The following LNPK variants were observed in gnomAD, a reference collection of about 807,000 sequenced individuals.
The protein encoded by LNPK is endoplasmic reticulum junction formation protein lunapark.
A neutral mutation model predicts 55.2 loss-of-function variants in LNPK; 29 were observed. The ratio of observed to expected loss-of-function variants is 0.53; its 90% CI spans 0.39 to 0.72. LNPK has a LOEUF of 0.72. Among genes scored for constraint, LNPK ranks in the 30% least tolerant of loss-of-function variants. The probability of loss-of-function intolerance (pLI) is 0.00; values close to 1 mark genes in which losing one functional copy is unlikely to be tolerated. For synonymous variants in LNPK, 162 were observed against 168.2 expected (o/e 0.96, Z 0.29); for missense variants, 467 against 494.8 (o/e 0.94, Z 0.53).
rs551274042 is a variant in LNPK, at chr2:175,988,834, C to T, written c.257+3397G>A. 2.3e-4 allele frequency among the ~76,000 whole-genome samples: 35 copies of T among 152,256 alleles called. 1 individual carries two copies. In the South Asian group the frequency reaches 7.3e-3, roughly 32 times the overall value. Reference sequence around the variant, plus strand: ...TGTCGCCCAGGCTGGAGTGCAGTGGCGTGACCTCGGCTCACTGTAAGCTCT... The same window carrying T: ...TGTCGCCCAGGCTGGAGTGCAGTGGTGTGACCTCGGCTCACTGTAAGCTCT... On this transcript the variant is annotated intron_variant, in intron 4 of 12. Coordinates refer to ENST00000272748, the MANE Select transcript of LNPK (RefSeq NM_030650.3).
chr2:175,954,155 T>C (rs1685568422), intron 8 of LNPK, among the ~76,000 whole-genome samples: 2 of 152,206 alleles, frequency 1.3e-5, no homozygotes, highest in African/African-American at 4.8e-5. Flanking sequence ...ATTACATGTG[T>C]ATACCCCTTT....
intron 9 of LNPK, among the ~76,000 whole-genome samples, chr2:175,944,789 TA>T (rs1685039692): frequency 6.6e-6 from 1 of 152,280 alleles, no homozygotes; most frequent in Non-Finnish European, 1.5e-5. Context: ...TTTAAAGGAA[TA>T]AAAAGGAAAT....
chr2:175,971,361 A>G (rs1176704720), intron 5 of LNPK, among the ~76,000 whole-genome samples: 1 of 152,138 alleles, frequency 6.6e-6, no homozygotes, highest in Admixed American at 6.5e-5. Flanking sequence ...GCCCGCTTAT[A>G]TAGGTTGGCA....
At chr2:175,950,880 T>C (rs1309479458) in intron 8 of LNPK, among the ~76,000 whole-genome samples, 2 of 152,146 alleles carry the variant, frequency 1.3e-5, no homozygotes. Context: ...ACGATTATTA[T>C]AAATCAAAAA....
intron 4 of LNPK, among the ~76,000 whole-genome samples, chr2:175,990,155 T>G (rs986201433): frequency 1.3e-5 from 2 of 152,208 alleles, no homozygotes. Context: ...CTAAACCTCA[T>G]GTTGAAATTT....
chr2:175,986,139 T>C (rs1355647481), intron 4 of LNPK, among the ~76,000 whole-genome samples: 3 of 152,202 alleles, frequency 2.0e-5, no homozygotes, highest in Non-Finnish European at 2.9e-5. Flanking sequence ...TACACTGTTA[T>C]TAGGATGTAG....
intron 4 of LNPK, among the ~76,000 whole-genome samples, chr2:175,987,619 C>T (rs1687488448): frequency 6.6e-6 from 1 of 151,678 alleles, no homozygotes; most frequent in Admixed American, 6.6e-5. Flanking sequence ...CACGTGTAAA[C>T]ATATGTAACA....
intron 6 of LNPK, among the ~76,000 whole-genome samples, chr2:175,966,230 G>C (rs1022012447): frequency 5.9e-5 from 9 of 152,026 alleles, no homozygotes; most frequent in South Asian, 4.1e-4. Flanking sequence ...CACCCGGCTA[G>C]TTTTTGTATT....
Position 175,995,655 on chromosome 2 carries a change from AAAGC to A in LNPK, c.-62-13_-62-10del, listed in dbSNP as rs1463358840. The A allele has an allele frequency of 7.7e-7, 1 of 1,296,738 alleles. No individual in the cohort carries two copies. Among genetic ancestry groups the A allele is most frequent in the Non-Finnish European group, 1.1e-6 (1 of 892,608 alleles). 80.3% of individuals were successfully genotyped at this position (1,296,738 alleles called of 1,614,324 possible). A position where few individuals can be genotyped will look rare whatever the true frequency, so the allele number is the denominator to read the frequency against. On this transcript the variant is annotated splice_polypyrimidine_tract_variant and intron_variant, in intron 1 of 12. Coordinates refer to ENST00000272748, the MANE Select transcript of LNPK (RefSeq NM_030650.3). ...TCCAAAGGAATTCACAGCTAGAAAT[AAAGC>A]AAGTATTTAAAATGTTAAGTTAAAC...
intron 6 of LNPK, among the ~76,000 whole-genome samples, chr2:175,968,260 A>G (rs949858083): frequency 2.0e-5 from 3 of 152,186 alleles, no homozygotes; most frequent in Non-Finnish European, 4.4e-5. Flanking sequence ...ATTCTCAGGG[A>G]ACTATAACAC....
intron 5 of LNPK, among the ~76,000 whole-genome samples, chr2:175,976,225 A>G (rs184442328): frequency 6.8e-4 from 103 of 152,288 alleles, no homozygotes; most frequent in Middle Eastern, 6.8e-3. Context: ...AAAGACACAC[A>G]AGATCTGATT....
intron 8 of LNPK, among the ~76,000 whole-genome samples, chr2:175,958,494 AAACT>A: frequency 6.6e-6 from 1 of 152,302 alleles, no homozygotes; most frequent in Non-Finnish European, 1.5e-5. Context: ...GTTAGAAGGA[AAACT>A]AACAAACAGA....
At chr2:175,941,790 C>CAAAAAAAAAAAAAAAAAAAAAAA (rs59162981) in intron 9 of LNPK, among the ~76,000 whole-genome samples, 1 of 51,920 alleles carries the variant, frequency 1.9e-5, no homozygotes, top group Non-Finnish European at 3.4e-5. Context: ...GATTCCATCT[C>CAAAAAAAAAAAAAAAAAAAAAAA]AAAAAAAAAA....
chr2:175,949,514 T>A (rs967855871), intron 8 of LNPK, among the ~76,000 whole-genome samples: 1 of 152,100 alleles, frequency 6.6e-6, no homozygotes, highest in Admixed American at 6.6e-5. Flanking sequence ...TAAATGAAAG[T>A]TTAGCATTTA....
In LNPK at chr2:175,939,613, G is replaced by T; in HGVS notation, c.751C>A (p.Arg251=). 6.2e-7 allele frequency: 1 copy of T among 1,607,128 alleles called. No homozygotes were observed. The highest frequency in any genetic ancestry group is 8.5e-7 in the Non-Finnish European group (1 of 1,175,066). The change falls in exon 10 of 13, where the codon CGA becomes AGA. Residue 251 remains arginine, a synonymous_variant. Coordinates refer to ENST00000272748, the MANE Select transcript of LNPK (RefSeq NM_030650.3). ...GPPLARPILP[R]ERGALDRIVE... is the part of the protein sequence containing the mutation. ...ATTCTATCCAAAGCACCTCGTTCTC[G>T]GGGGAGAATAGGTCTTGCTAAAGGT... is the stretch of plus-strand genomic sequence containing the variant.
At position 175,979,860 on chromosome 2, in the gene LNPK, C is replaced by T. The variant is rs765870175; in HGVS notation, c.266G>A (p.Ser89Asn). The change falls in exon 5 of 13, where the codon AGC (serine) becomes AAC (asparagine). Residue 89 changes from serine to asparagine, a missense_variant. By Grantham distance (46) the Ser-to-Asn change is conservative. Coordinates refer to ENST00000272748, the MANE Select transcript of LNPK (RefSeq NM_030650.3). ...PFFAFPLIIW[S>N]IRTVIIFFFS... ...GAAGAAAATAATTACTGTTCTTATG[C>T]TCCAGATGCTAAAAGGGAAGCAAAA... 1 of 1,578,998 alleles carries T rather than the reference C, an allele frequency of 6.3e-7. No individual in the cohort carries two copies. Among genetic ancestry groups the T allele is most frequent in the South Asian group, 1.2e-5 (1 of 83,248 alleles).
At chr2:175,959,855 A>G in intron 8 of LNPK, among the ~76,000 whole-genome samples, 1 of 151,942 alleles carries the variant, frequency 6.6e-6, no homozygotes, top group Non-Finnish European at 1.5e-5. Flanking sequence ...AAATAAAGGG[A>G]TGGAGGAAGA....
At position 175,950,930 on chromosome 2, in the gene LNPK, T is replaced by G. The variant is rs369430873; in HGVS notation, c.494-3238A>C. On this transcript the variant is annotated intron_variant, in intron 8 of 12. Coordinates refer to ENST00000272748, the MANE Select transcript of LNPK (RefSeq NM_030650.3). ...ATTTCTAAGGCAATTATTTAAAATA[T>G]ATAGATACTAATTTACACATTAAAT... Among the ~76,000 whole-genome samples the G allele has an allele frequency of 1.2e-4, 19 of 152,272 alleles. No individual in the cohort carries two copies. The East Asian group carries it at 3.1e-3, about 25-fold the overall frequency.
intron 11 of LNPK, 38 bp downstream of exon 11, chr2:175,938,275 C>T (rs1684649505): frequency 8.3e-7 from 1 of 1,206,806 alleles, no homozygotes; most frequent in Non-Finnish European, 1.2e-6. Flanking sequence ...AATATTTAAG[C>T]ATAAAATATT....
Sources: gnomAD v4.1 joint callset for allele counts (sites outside exome capture counted in the v4.1 genomes callset) on GRCh38, gnomAD v4.1.1 for gene constraint, MANE v1.5 for transcripts, NCBI Gene and HGNC (gene_info 2026-07-23, HGNC 2026-07-21) for gene names.